Variants in DCC observed in about 807,000 individuals in gnomAD.
The protein encoded by DCC is netrin receptor DCC.
Under a neutral mutation model 172.5 loss-of-function variants are expected in DCC, and 58 were observed. The observed-to-expected ratio is 0.34, with a 90% CI of 0.27 to 0.42. The LOEUF (loss-of-function observed/expected upper bound fraction) is 0.42, where lower values mean the gene tolerates loss of function less well. Ranked by LOEUF, DCC falls within the 10% of genes least tolerant of loss-of-function variation. The pLI is 1.00. For missense variants in DCC, 1,740 were observed against 1,791.0 expected (o/e 0.97, Z 0.51); for synonymous variants, 709 against 644.5 (o/e 1.10, Z -1.52).
chr18:53,473,399 C>T (rs2045722626), intron 25 of DCC, among the ~76,000 whole-genome samples: 1 of 152,152 alleles, frequency 6.6e-6, no homozygotes, highest in African/African-American at 2.4e-5. Flanking sequence ...AAATGCCTTC[C>T]TTATGTTTGT....
At chr18:52,501,222 C>T (rs868777245) in intron 1 of DCC, among the ~76,000 whole-genome samples, 6 of 152,156 alleles carry the variant, frequency 3.9e-5, no homozygotes, top group Middle Eastern at 3.4e-3. Context: ...AAGCAACAGC[C>T]GTCTTATTCC....
At chr18:53,312,153 CAAAAAAA>C (rs895203731) in intron 13 of DCC, among the ~76,000 whole-genome samples, 247 of 26,690 alleles carry the variant, frequency 9.3e-3, no homozygotes, top group African/African-American at 0.024. Flanking sequence ...GCTAAAAATA[CAAAAAAA>C]AAAAAAAAAA....
At chr18:52,540,500 C>A (rs2032407526) in intron 1 of DCC, among the ~76,000 whole-genome samples, 1 of 148,992 alleles carries the variant, frequency 6.7e-6, no homozygotes, top group Non-Finnish European at 1.5e-5. Flanking sequence ...AAAAGTCATT[C>A]AATTTTAGTG....
chr18:53,517,894 G>C (rs1239918685), intron 27 of DCC, among the ~76,000 whole-genome samples: 1 of 152,148 alleles, frequency 6.6e-6, no homozygotes, highest in Non-Finnish European at 1.5e-5. Context: ...AGGGATGCCT[G>C]AGGCTATTGT....
intron 2 of DCC, among the ~76,000 whole-genome samples, chr18:52,772,800 A>T (rs962400047): frequency 6.6e-6 from 1 of 152,206 alleles, no homozygotes; most frequent in Non-Finnish European, 1.5e-5. Flanking sequence ...GTGTTTTAGC[A>T]TCTTATCTCT....
At position 52,738,212 on chromosome 18, in the gene DCC, T is replaced by C. The variant is rs1044136750; in HGVS notation, c.92-13842T>C. Reference sequence around the variant, plus strand: ...TGATAAGCATGGTTTTTATTGACAGTAACACAGGCACATCTTGCTTAATGA... The same window carrying C: ...TGATAAGCATGGTTTTTATTGACAGCAACACAGGCACATCTTGCTTAATGA... On this transcript the variant is annotated intron_variant, in intron 1 of 28. Coordinates refer to ENST00000442544, the MANE Select transcript of DCC (RefSeq NM_005215.4). Among the ~76,000 whole-genome samples the C allele has an allele frequency of 4.6e-5, 7 of 152,244 alleles. No individual in the cohort carries two copies. In the South Asian group the frequency reaches 1.4e-3, roughly 32 times the overall value.
At chr18:52,763,304 G>A (rs755431995) in intron 2 of DCC, among the ~76,000 whole-genome samples, 5 of 152,186 alleles carry the variant, frequency 3.3e-5, no homozygotes, top group Non-Finnish European at 7.3e-5. Flanking sequence ...TTCAGTGCTG[G>A]TTGGTTTTAT....
chr18:52,796,186 G>GT (rs1427069761), intron 2 of DCC, among the ~76,000 whole-genome samples: 1 of 151,274 alleles, frequency 6.6e-6, no homozygotes, highest in Non-Finnish European at 1.5e-5. Context: ...CTGAGTCATT[G>GT]TTTTAAATGC....
chr18:53,404,682 G>A (rs887061736), intron 19 of DCC, among the ~76,000 whole-genome samples: 4 of 151,650 alleles, frequency 2.6e-5, no homozygotes, highest in South Asian at 2.1e-4. Flanking sequence ...AGTGAGCCCC[G>A]TTCGCGCTAC....
At chr18:53,248,539 C>G (rs2056392107) in intron 12 of DCC, among the ~76,000 whole-genome samples, 1 of 152,004 alleles carries the variant, frequency 6.6e-6, no homozygotes, top group Non-Finnish European at 1.5e-5. Context: ...AGATTGAGGA[C>G]AATCCTTCTC....
intron 5 of DCC, among the ~76,000 whole-genome samples, chr18:53,048,944 G>A (rs1416124639): frequency 6.6e-6 from 1 of 151,900 alleles, no homozygotes; most frequent in Non-Finnish European, 1.5e-5. Flanking sequence ...GTGATATTGA[G>A]CATTTTTTCA....
intron 1 of DCC, among the ~76,000 whole-genome samples, chr18:52,585,836 C>A (rs1204713230): frequency 2.6e-5 from 4 of 152,170 alleles, no homozygotes; most frequent in Non-Finnish European, 5.9e-5. Flanking sequence ...GTAATCCCAG[C>A]ACTTTGGGAG....
At chr18:52,597,655 A>G (rs1376115465) in intron 1 of DCC, among the ~76,000 whole-genome samples, 1 of 152,238 alleles carries the variant, frequency 6.6e-6, no homozygotes, top group Non-Finnish European at 1.5e-5. Flanking sequence ...CTTTAGTAGA[A>G]CAAAGATCAA....
In DCC at chr18:53,230,708, G is replaced by A. The variant is rs144714700; in HGVS notation, c.1911+15111G>A. Among the ~76,000 whole-genome samples the A allele has an allele frequency of 6.1e-3, 930 of 151,946 alleles. 6 individuals are homozygous for A. Among genetic ancestry groups the A allele is most frequent in the African/African-American group, 0.02 (843 of 41,456 alleles). ...TTACTTTGAATTATATGTAAAGGGA[G>A]CAAATGCTGGCCTTAAGAATTTTCA... On this transcript the variant is annotated intron_variant, in intron 12 of 28. Transcript: ENST00000442544.
intron 21 of DCC, among the ~76,000 whole-genome samples, chr18:53,418,889 A>G (rs1268179356): frequency 6.6e-6 from 1 of 152,192 alleles, no homozygotes; most frequent in African/African-American, 2.4e-5. Context: ...GTAATTGTAA[A>G]TTGATGAAAT....
intron 12 of DCC, among the ~76,000 whole-genome samples, chr18:53,290,235 T>C (rs1036728201): frequency 6.6e-6 from 1 of 152,192 alleles, no homozygotes; most frequent in African/African-American, 2.4e-5. Flanking sequence ...GAATATTTGT[T>C]AGGATGCCTG....
intron 1 of DCC, among the ~76,000 whole-genome samples, chr18:52,536,044 G>A (rs2032279187): frequency 6.6e-6 from 1 of 152,140 alleles, no homozygotes; most frequent in African/African-American, 2.4e-5. Context: ...TCAAACACAA[G>A]ATCAGACAGA....
At chr18:52,778,051 T>G (rs945818706) in intron 2 of DCC, among the ~76,000 whole-genome samples, 1 of 152,156 alleles carries the variant, frequency 6.6e-6, no homozygotes, top group African/African-American at 2.4e-5. Context: ...ATAATCCAAA[T>G]AGCAATATAC....
chr18:52,456,421 A>C (rs168332), intron 1 of DCC, among the ~76,000 whole-genome samples: 120,321 of 151,998 alleles, frequency 0.79, 48,467 homozygotes, highest in African/African-American at 0.94. Flanking sequence ...TGGAAAGCAG[A>C]CCCTTTCCTG....
Sources: allele counts gnomAD v4.1 joint callset (sites outside exome capture counted in the v4.1 genomes callset), GRCh38; gene constraint gnomAD v4.1.1; transcripts MANE v1.5; gene names NCBI Gene and HGNC (gene_info 2026-07-23, HGNC 2026-07-21).